BCR: variants seen among roughly 807,000 people sequenced by gnomAD.
BCR encodes BCR activator of RhoGEF and GTPase, also known as breakpoint cluster region protein.
In BCR, 58 loss-of-function variants were observed where a neutral mutation model predicts 138.6. The observed-to-expected ratio is 0.42, with a 90% CI of 0.34 to 0.52. The LOEUF is 0.52. Ranked by LOEUF, BCR falls within the 20% of genes least tolerant of loss-of-function variation. The probability of loss-of-function intolerance (pLI) is 0.06; values close to 1 mark genes in which losing one functional copy is unlikely to be tolerated. For missense variants in BCR, 1,599 were observed against 1,727.2 expected, an observed-to-expected ratio of 0.93 and a Z score of 1.32; for synonymous variants, 786 against 730.1, an observed-to-expected ratio of 1.08 and a Z score of -1.23.
At chr22:23,273,919 C>T in intron 8 of BCR, 145 bp downstream of exon 8, 2 of 1,209,922 alleles carry the variant, frequency 1.7e-6, no homozygotes, top group Non-Finnish European at 2.3e-6. Context: ...CACACTCAGT[C>T]CTGTGTGGAA....
chr22:23,244,854 C>T (rs190618075), intron 1 of BCR, among the ~76,000 whole-genome samples: 122 of 152,306 alleles, frequency 8.0e-4, no homozygotes, highest in Admixed American at 2.9e-3. Flanking sequence ...CTCTGCCCTG[C>T]CCCCGCACCA....
At chr22:23,207,102 A>G (rs1449141864) in intron 1 of BCR, among the ~76,000 whole-genome samples, 1 of 152,016 alleles carries the variant, frequency 6.6e-6, no homozygotes, top group East Asian at 1.9e-4. Flanking sequence ...CCATCCATTC[A>G]TCCTCCAACC....
Position 23,291,608 on chromosome 22 carries a change from C to G in BCR, c.2783-933C>G, listed in dbSNP as rs774447857. Among the ~76,000 whole-genome samples, 36 of 152,194 alleles carry G rather than the reference C, an allele frequency of 2.4e-4. 1 individual carries two copies. The highest frequency in any genetic ancestry group is 4.1e-4 in the South Asian group (2 of 4,820). On this transcript the variant is annotated intron_variant, in intron 14 of 22. Coordinates refer to ENST00000305877, the MANE Select transcript of BCR (RefSeq NM_004327.4). ...CGCTGCCCCGTGGTCCCGGGCTTGT[C>G]TCTCCTTGCCTCCCTGTTACCTTTC...
chr22:23,243,050 T>A (rs2073113696), intron 1 of BCR: 1 of 296,128 alleles, frequency 3.4e-6, no homozygotes, highest in Non-Finnish European at 6.8e-6. Context: ...ATCAGTGTGA[T>A]ATTGTGATAT....
intron 12 of BCR, 91 bp from the exon 13 acceptor site, chr22:23,289,426 C>T: frequency 1.8e-6 from 2 of 1,115,244 alleles, no homozygotes; most frequent in Non-Finnish European, 2.7e-6. Context: ...CGTGCCCCTT[C>T]CCCAGGGTGT....
intron 1 of BCR, among the ~76,000 whole-genome samples, chr22:23,246,803 T>C (rs1484103297): frequency 6.6e-6 from 1 of 152,158 alleles, no homozygotes; most frequent in Non-Finnish European, 1.5e-5. Flanking sequence ...TTGGGTCTTT[T>C]TTGCTGTCAG....
At position 23,260,987 on chromosome 22, in the gene BCR, A is replaced by C; in HGVS notation, c.1499A>C (p.Lys500Thr). 6.2e-7 allele frequency: 1 copy of C among 1,613,906 alleles called. No individual in the cohort carries two copies. Among genetic ancestry groups the C allele is most frequent in the East Asian group, 2.2e-5 (1 of 44,848 alleles). The change falls in exon 3 of 23, where the codon AAA becomes ACA. Residue 500 changes from lysine (K) to threonine (T), a missense_variant. Physicochemically the swap from Lys to Thr is moderately conservative, Grantham distance 78. Around this residue, in one of 4 missense-constraint regions of BCR, gnomAD observed 590 missense variants for 762.4 expected, o/e 0.77. Coordinates refer to ENST00000305877, the MANE Select transcript of BCR (RefSeq NM_004327.4). ...TTGGAAAAGGGCTTGGAGATGAGAA[A>C]ATGGGTCCTGTCGGGAATCCTGGCT... ...LDLEKGLEMR[K>T]WVLSGILASE...
intron 1 of BCR, among the ~76,000 whole-genome samples, chr22:23,183,788 G>C (rs2072302382): frequency 6.6e-6 from 1 of 152,252 alleles, no homozygotes; most frequent in African/African-American, 2.4e-5. Context: ...TTTGCTGGTG[G>C]AGAATTCTGG....
intron 1 of BCR, among the ~76,000 whole-genome samples, chr22:23,250,642 A>C (rs2073214168): frequency 6.6e-6 from 1 of 152,170 alleles, no homozygotes; most frequent in Non-Finnish European, 1.5e-5. Flanking sequence ...GAAGTTGTTA[A>C]AGGAGGCCAA....
intron 2 of BCR, among the ~76,000 whole-genome samples, chr22:23,259,977 G>T (rs2073338782): frequency 6.6e-6 from 1 of 152,176 alleles, no homozygotes; most frequent in Non-Finnish European, 1.5e-5. Context: ...GACAGAGTGA[G>T]ACATCGTCTC....
chr22:23,283,078 G>A (rs2073667015), intron 8 of BCR: 1 of 152,244 alleles, frequency 6.6e-6, no homozygotes, highest in African/African-American at 2.4e-5. Flanking sequence ...AAGGCTTGCT[G>A]CGACAGCCTC....
chr22:23,186,663 C>T (rs952525174), intron 1 of BCR, among the ~76,000 whole-genome samples: 2 of 152,152 alleles, frequency 1.3e-5, no homozygotes, highest in African/African-American at 4.8e-5. Context: ...TTGTGATTGG[C>T]TTATTTCACT....
chr22:23,261,436 G>C lies in BCR; in HGVS notation c.1648G>C (p.Val550Leu), dbSNP rs2073355066. ...GCAGATCGAGACCATCTTCTTCAAA[G>C]TGCCTGAGCTCTACGAGATCCACAA... ...SQQIETIFFKVPELYEIHKEF... is the reference protein window; with the variant it reads ...SQQIETIFFKLPELYEIHKEF... Residue 550 changes from valine to leucine, a missense_variant, in exon 4 of 23, where the codon GTG (valine) becomes CTG (leucine). Physicochemically the swap from Val to Leu is conservative, Grantham distance 32 (BLOSUM62 1). Around this residue, in one of 4 missense-constraint regions of BCR, gnomAD observed 590 missense variants for 762.4 expected, o/e 0.77. Coordinates refer to ENST00000305877, the MANE Select transcript of BCR (RefSeq NM_004327.4). The C allele has an allele frequency of 6.2e-7, 1 of 1,613,786 alleles. No individual in the cohort carries two copies. Among genetic ancestry groups the C allele is most frequent in the African/African-American group, 1.3e-5 (1 of 74,874 alleles).
chr22:23,251,413 G>A (rs779430171), intron 1 of BCR, among the ~76,000 whole-genome samples: 2 of 152,230 alleles, frequency 1.3e-5, no homozygotes, highest in Non-Finnish European at 2.9e-5. Flanking sequence ...TGCAGCCAGG[G>A]CTGAGGACAC....
In BCR at chr22:23,312,873, C is replaced by T. The variant is rs763323998; in HGVS notation, c.3323-14C>T. 1.4e-5 allele frequency: 23 copies of T among 1,595,758 alleles called. No homozygotes were observed. Among genetic ancestry groups the T allele is most frequent in the Middle Eastern group, 2.3e-4 (1 of 4,444 alleles). ...ATCCTCAAGGAGGCCGCTGCATTTC[C>T]GTGCTCTTTCCAGATAACAAGGACG... On this transcript the variant is annotated splice_polypyrimidine_tract_variant and intron_variant, in intron 19 of 22. Transcript: ENST00000305877.
At chr22:23,252,019 A>G (rs2073233455) in intron 1 of BCR, among the ~76,000 whole-genome samples, 1 of 152,338 alleles carries the variant, frequency 6.6e-6, no homozygotes, top group African/African-American at 2.4e-5. Flanking sequence ...GGGAGTGATT[A>G]TCTCCAGGTG....
At chr22:23,224,159 CTGT>C (rs2072862039) in intron 1 of BCR, among the ~76,000 whole-genome samples, 1 of 152,238 alleles carries the variant, frequency 6.6e-6, no homozygotes, top group Non-Finnish European at 1.5e-5. Flanking sequence ...GTGGTCACTG[CTGT>C]TGTCCTGGGC....
intron 1 of BCR, among the ~76,000 whole-genome samples, chr22:23,240,668 A>G (rs1298337574): frequency 6.6e-6 from 1 of 152,112 alleles, no homozygotes; most frequent in Non-Finnish European, 1.5e-5. Context: ...AAAAAAAAGA[A>G]AAAGAAAAAA....
In BCR at chr22:23,181,525, G is replaced by T; in HGVS notation, c.565G>T (p.Val189Leu). The stretch of plus-strand genomic sequence containing the variant: ...CGAGTTTCACCACGAGCGCGGCCTG[G>T]TGAAGGTCAACGACAAAGAGGTGTC... ...NVEFHHERGL[V>L]KVNDKEVSDR... Residue 189 changes from valine (V) to leucine (L), a missense_variant, in exon 1 of 23, where the codon GTG (valine) becomes TTG (leucine). Physicochemically the swap from Val to Leu is conservative, Grantham distance 32 (BLOSUM62 1). Around this residue, in one of 4 missense-constraint regions of BCR, gnomAD observed 806 missense variants for 635.0 expected, o/e 1.27. Coordinates refer to ENST00000305877, the MANE Select transcript of BCR (RefSeq NM_004327.4). 6 of 1,612,910 alleles carry T rather than the reference G, an allele frequency of 3.7e-6. No individual in the cohort carries two copies. The highest frequency in any genetic ancestry group is 5.1e-6 in the Non-Finnish European group (6 of 1,179,910).
Sources: allele counts gnomAD v4.1 joint callset (sites outside exome capture counted in the v4.1 genomes callset), GRCh38; gene constraint gnomAD v4.1.1; regional missense constraint gnomAD v4.1.1; transcripts MANE v1.5; gene names NCBI Gene and HGNC (gene_info 2026-07-23, HGNC 2026-07-21).